GFUS: variants seen among roughly 807,000 people sequenced by gnomAD.
GFUS encodes the protein GDP-L-fucose synthase.
GFUS carries 42 observed loss-of-function variants against 41.5 expected under a neutral mutation model. The observed-to-expected ratio is 1.01, with a 90% CI of 0.79 to 1.31. The LOEUF (loss-of-function observed/expected upper bound fraction) is 1.31. Among genes scored for constraint, GFUS ranks in the 50% most tolerant of loss-of-function variants. The probability of loss-of-function intolerance (pLI) is 0.00; values close to 1 mark genes in which losing one functional copy is unlikely to be tolerated. For synonymous variants in GFUS, 188 were observed against 173.4 expected (o/e 1.08, Z -0.66); for missense variants, 437 against 428.7 (o/e 1.02, Z -0.17).
chr8:143,613,026 T>C (rs1829615287), intron 10 of GFUS, 61 bp from the exon 11 acceptor site: 1 of 1,588,904 alleles, frequency 6.3e-7, no homozygotes, highest in Non-Finnish European at 8.6e-7. Context: ...TGGGAGGAAG[T>C]GGGGGGAGGA....
chr8:143,617,780 C>T (rs1023774749), upstream of GFUS: 12 of 152,220 alleles, frequency 7.9e-5, no homozygotes, highest in South Asian at 2.1e-4. Context: ...GGCGGAAGGA[C>T]ACGAGACGAG....
intron 7 of GFUS, among the ~76,000 whole-genome samples, 153 bp from the exon 8 acceptor site, chr8:143,613,970 C>T (rs898796144): frequency 5.9e-5 from 9 of 152,194 alleles, no homozygotes; most frequent in African/African-American, 1.9e-4. Flanking sequence ...CTCAGAGCTA[C>T]GCCAGTGACT....
chr8:143,616,862 C>A lies in GFUS; in HGVS notation c.-11-139G>T, dbSNP rs562605145. The A allele has an allele frequency of 4.9e-4, 491 of 1,009,244 alleles. 4 individuals are homozygous for A. Among genetic ancestry groups the A allele is most frequent in the Middle Eastern group, 2.7e-3 (9 of 3,282 alleles). 62.5% of individuals were successfully genotyped at this position (1,009,244 alleles called of 1,614,324 possible). A position where few individuals can be genotyped will look rare whatever the true frequency, so the allele number is the denominator to read the frequency against. On this transcript the variant is annotated intron_variant, in intron 1 of 10. Transcript: ENST00000425753. ...GGCAACCAGAAAGACCCAGCTGGAC[C>A]GAGGCACTCCCTCGTCGCAGCCCTG...
intron 6 of GFUS, 24 bp downstream of exon 6, chr8:143,614,296 A>G (rs1467238349): frequency 6.2e-7 from 1 of 1,613,558 alleles, no homozygotes; most frequent in African/African-American, 1.3e-5. Context: ...GAGCCCGGGC[A>G]CCCCATCGGA....
Position 143,614,167 on chromosome 8 carries a change from C to G in GFUS, c.660G>C (p.Ser220=). 1 of 1,613,210 alleles carries G rather than the reference C, an allele frequency of 6.2e-7. No individual in the cohort carries two copies. The highest frequency in any genetic ancestry group is 8.5e-7 in the Non-Finnish European group (1 of 1,180,002). The change falls in exon 7 of 11, where the codon TCG becomes TCC. Residue 220 remains serine (S), a synonymous_variant. Coordinates refer to ENST00000425753, the MANE Select transcript of GFUS (RefSeq NM_003313.4). The part of the protein sequence containing the change: ...TGNPRRQFIY[S]LDLAQLFIWV... The stretch of plus-strand genomic sequence containing the variant: ...AGCTGTGCCTTCCTTTACGCACCAG[C>G]GAGTATATGAACTGCCTCCGCGGAT...
Position 143,614,401 on chromosome 8 carries a change from C to T in GFUS, c.517G>A (p.Val173Ile), listed in dbSNP as rs150364101. The change falls in exon 6 of 11, where the codon GTC (valine) becomes ATC (isoleucine). Residue 173 changes from valine (V) to isoleucine (I), a missense_variant. Coordinates refer to ENST00000425753, the MANE Select transcript of GFUS (RefSeq NM_003313.4). The part of the protein sequence containing the change: ...CTFTAVIPTN[V>I]FGPHDNFNIE... ...TTGAAGTTGTCGTGGGGCCCGAAGA[C>T]GTTGGTGGGGATGACAGCGGTGAAG... 5.1e-5 allele frequency: 82 copies of T among 1,613,920 alleles called. 1 individual carries two copies. The South Asian group carries it at 7.5e-4, about 15-fold the overall frequency.
At chr8:143,614,585 C>A in intron 5 of GFUS, 39 bp downstream of exon 5, 1 of 1,562,894 alleles carries the variant, frequency 6.4e-7, no homozygotes, top group East Asian at 2.3e-5. Flanking sequence ...GCCCTCTCCC[C>A]GACTCCTGGC....
Position 143,614,170 on chromosome 8 carries a change from G to C in GFUS, c.657C>G (p.Tyr219Ter). 6.2e-7 allele frequency: 1 copy of C among 1,613,354 alleles called. No individual in the cohort carries two copies. The highest frequency in any genetic ancestry group is 2.2e-5 in the East Asian group (1 of 44,878). ...GTGNPRRQFI[Y>*]SLDLAQLFIW... Reference sequence around the variant, plus strand: ...TGTGCCTTCCTTTACGCACCAGCGAGTATATGAACTGCCTCCGCGGATTCC... The same window carrying C: ...TGTGCCTTCCTTTACGCACCAGCGACTATATGAACTGCCTCCGCGGATTCC... Residue 219 changes from tyrosine to a stop codon, truncating the protein, a stop_gained, in exon 7 of 11, where the codon TAC becomes TAG. Transcript: ENST00000425753. LOFTEE classifies it high-confidence loss of function.
chr8:143,613,212 G>A lies in GFUS; in HGVS notation c.894C>T (p.Phe298=). The part of the protein sequence containing the change: ...KLRTYLPDFR[F]TPFKQAVKET... ...AGGGCTCACCCTGCTTGAAGGGTGT[G>A]AACCGGAAGTCGGGCAGGTAGGTCC... Residue 298 remains phenylalanine (F), a synonymous_variant, in exon 10 of 11, where the codon TTC becomes TTT. Coordinates refer to ENST00000425753, the MANE Select transcript of GFUS (RefSeq NM_003313.4). 6.2e-7 allele frequency: 1 copy of A among 1,614,006 alleles called. No homozygotes were observed. Among genetic ancestry groups the A allele is most frequent in the Non-Finnish European group, 8.5e-7 (1 of 1,179,958 alleles).
rs149122990 is a variant in GFUS at position 143,615,353 on chromosome 8, G to A, written c.262-438C>T. Among the ~76,000 whole-genome samples the A allele has an allele frequency of 9.1e-3, 1,381 of 152,292 alleles. 17 individuals are homozygous for A. The highest frequency in any genetic ancestry group is 0.03 in the African/African-American group (1,266 of 41,540). ...AGGATCAATGGAGCCTGCGCTTGCC[G>A]GGTCCACCCCGCGGGCCCCACTTCC... On this transcript the variant is annotated intron_variant, in intron 3 of 10. Coordinates refer to ENST00000425753, the MANE Select transcript of GFUS (RefSeq NM_003313.4).
chr8:143,613,835 A>C lies in GFUS; in HGVS notation c.664-18T>G. On this transcript the variant is annotated intron_variant, in intron 7 of 10. Coordinates refer to ENST00000425753, the MANE Select transcript of GFUS (RefSeq NM_003313.4). The stretch of plus-strand genomic sequence containing the variant: ...GCCAGGTCCTAGAGGTCAGACAGGC[A>C]GGGTCAGAGACCATGGGTATAGCCA... 1 of 1,550,548 alleles carries C rather than the reference A, an allele frequency of 6.4e-7. No individual in the cohort carries two copies. Among genetic ancestry groups the C allele is most frequent in the Non-Finnish European group, 8.7e-7 (1 of 1,146,938 alleles).
rs746748159 is a variant in GFUS at position 143,613,301 on chromosome 8, G to A, written c.811-6C>T. On this transcript the variant is annotated splice_polypyrimidine_tract_variant and splice_region_variant and intron_variant, in intron 9 of 10. Coordinates refer to ENST00000425753, the MANE Select transcript of GFUS (RefSeq NM_003313.4). ...TCCGACTTGGTTGTATCAAACTGGA[G>A]GCTTTGTCAAGGCCACAGCGAGAAG... 4.3e-6 allele frequency: 7 copies of A among 1,613,796 alleles called. No individual in the cohort carries two copies. Among genetic ancestry groups the A allele is most frequent in the African/African-American group, 1.3e-5 (1 of 74,910 alleles).
Position 143,612,965 on chromosome 8 carries a change from G to A in GFUS, c.911C>T (p.Ala304Val), listed in dbSNP as rs1240240583. Residue 304 changes from alanine (A) to valine (V), a missense_variant and splice_region_variant, in exon 11 of 11, where the codon GCG (alanine) becomes GTG (valine). By Grantham distance (64) the Ala-to-Val change is moderately conservative. Transcript: ENST00000425753. ...GAACCAAGCACAGGTCTCCTTCACC[G>A]CTGCAGAGGCAGGCAGGTGAGGGCC... ...PDFRFTPFKQ[A>V]VKETCAWFTD... 6 of 1,609,524 alleles carry A rather than the reference G, an allele frequency of 3.7e-6. No homozygotes were observed. Among genetic ancestry groups the A allele is most frequent in the South Asian group, 2.2e-5 (2 of 90,520 alleles).
At chr8:143,616,526 G>T (rs1408993351) in intron 2 of GFUS, 41 bp downstream of exon 2, 1 of 1,613,032 alleles carries the variant, frequency 6.2e-7, no homozygotes. Context: ...GTGGGGGGTA[G>T]GATGGAGAGG....
chr8:143,616,859 G>A (rs569672507), intron 1 of GFUS, 136 bp from the exon 2 acceptor site: 1 of 1,052,790 alleles, frequency 9.5e-7, no homozygotes, highest in South Asian at 1.5e-5. Flanking sequence ...GACCCAGCTG[G>A]ACCGAGGCAC....
rs865982448 is a variant in GFUS at position 143,614,879 on chromosome 8, A to G, written c.298T>C (p.Ser100Pro). 17 of 1,613,188 alleles carry G rather than the reference A, an allele frequency of 1.1e-5. No homozygotes were observed. In the Middle Eastern group the frequency reaches 2.3e-3, roughly 219 times the overall value. ...NVHMNDNVLHSAFEVGARKVV... is the reference protein window; with the variant it reads ...NVHMNDNVLHPAFEVGARKVV... ...TTGCGGGCGCCCACCTCAAAGGCCGAGTGCAGGACGTTGTCGTTCATGTGC... is the reference window on the plus strand; with the variant it reads ...TTGCGGGCGCCCACCTCAAAGGCCGGGTGCAGGACGTTGTCGTTCATGTGC... The change falls in exon 4 of 11, where the codon TCG (serine) becomes CCG (proline). Residue 100 changes from serine (S) to proline (P), a missense_variant. By Grantham distance (74) the Ser-to-Pro change is moderately conservative. Transcript: ENST00000425753.
chr8:143,616,892 C>T, intron 1 of GFUS, 169 bp from the exon 2 acceptor site: 1 of 767,118 alleles, frequency 1.3e-6, no homozygotes, highest in Non-Finnish European at 2.1e-6. Context: ...GCCCTGTTCC[C>T]CTGGGAGCTC....
At position 143,616,914 on chromosome 8, in the gene GFUS, C is replaced by A; in HGVS notation, c.-11-191G>T. The A allele has an allele frequency of 1.3e-5, 9 of 668,242 alleles. No homozygotes were observed. The South Asian group carries it at 1.7e-4, about 13-fold the overall frequency. The allele number at this position is 668,242 out of a possible 1,614,324, so 41.4% of individuals were successfully genotyped here. ...TCCCCTGGGAGCTCTCAGCCTACAG[C>A]GCCGCAGGGGTCCTGAGCTACCACC... On this transcript the variant is annotated intron_variant, in intron 1 of 10. Transcript: ENST00000425753.
chr8:143,617,043 AC>A, intron 1 of GFUS: 1 of 358,960 alleles, frequency 2.8e-6, no homozygotes, highest in East Asian at 5.0e-5. Flanking sequence ...CAACCTTGGG[AC>A]GGGGGCTCCT....
Sources: gnomAD v4.1 joint callset for allele counts (sites outside exome capture counted in the v4.1 genomes callset) on GRCh38, gnomAD v4.1.1 for gene constraint, MANE v1.5 for transcripts, NCBI Gene and HGNC (gene_info 2026-07-23, HGNC 2026-07-21) for gene names.